TBCK: variants seen among roughly 807,000 people sequenced by gnomAD.
TBCK encodes TBC domain-containing protein kinase-like protein.
Under a neutral mutation model 113.4 loss-of-function variants are expected in TBCK, and 99 were observed. The observed-to-expected ratio is 0.87, with a 90% CI of 0.74 to 1.03. The LOEUF is 1.03. TBCK is among the 50% of genes least tolerant of loss of function. TBCK has a pLI of 0.00. For synonymous variants in TBCK, 369 were observed against 370.8 expected (o/e 1.00, Z 0.05); for missense variants, 1,045 against 1,061.3 (o/e 0.98, Z 0.21).
intron 5 of TBCK, chr4:106,255,083 C>A: frequency 6.7e-6 from 2 of 298,740 alleles, no homozygotes; most frequent in East Asian, 1.3e-4. Flanking sequence ...GATATAAAGA[C>A]AGGTTGTAGA....
chr4:106,181,187 T>C (rs1330032208), intron 22 of TBCK, among the ~76,000 whole-genome samples: 1 of 152,236 alleles, frequency 6.6e-6, no homozygotes, highest in Non-Finnish European at 1.5e-5. Context: ...TGTCTGTTCA[T>C]ATCCTTTGCC....
At chr4:106,265,738 C>T (rs985614602) in intron 3 of TBCK, among the ~76,000 whole-genome samples, 1 of 151,718 alleles carries the variant, frequency 6.6e-6, no homozygotes, top group African/African-American at 2.4e-5. Flanking sequence ...ATCTTCATTT[C>T]CTCTATGGTG....
At chr4:106,227,638 A>G (rs1421618606) in intron 19 of TBCK, among the ~76,000 whole-genome samples, 4 of 151,994 alleles carry the variant, frequency 2.6e-5, no homozygotes, top group Admixed American at 2.0e-4. Context: ...AATGATATAT[A>G]TAATACAGAA....
chr4:106,173,218 A>C (rs1226272479), intron 22 of TBCK, among the ~76,000 whole-genome samples: 1 of 152,198 alleles, frequency 6.6e-6, no homozygotes, highest in Non-Finnish European at 1.5e-5. Context: ...GAAGCTCTCT[A>C]ACAATATCAA....
At chr4:106,145,767 C>T (rs541031993) in intron 23 of TBCK, among the ~76,000 whole-genome samples, 6 of 152,202 alleles carry the variant, frequency 3.9e-5, no homozygotes, top group African/African-American at 1.4e-4. Flanking sequence ...AAACAAGACA[C>T]ATATGTAGCC....
rs1162254619 is a variant in TBCK, at chr4:106,141,976, G to A, written c.2236-25598C>T. Reference sequence around the variant, plus strand: ...TAAACTAAGAAATATCATTTTAACCGAAAAAAGGACAAAGAAATAGCAAAA... The same window carrying A: ...TAAACTAAGAAATATCATTTTAACCAAAAAAAGGACAAAGAAATAGCAAAA... On this transcript the variant is annotated intron_variant, in intron 23 of 25. Transcript: ENST00000394708. Among the ~76,000 whole-genome samples the A allele has an allele frequency of 5.0e-5, 7 of 140,756 alleles. 2 individuals carry two copies. Among genetic ancestry groups the A allele is most frequent in the Non-Finnish European group, 8.1e-5 (5 of 62,080 alleles). The allele number at this position is 140,756 out of a possible 152,430, so 92.3% of individuals were successfully genotyped here.
intron 25 of TBCK, among the ~76,000 whole-genome samples, chr4:106,086,736 G>A (rs146018325): frequency 5.7e-4 from 87 of 152,254 alleles, no homozygotes; most frequent in African/African-American, 2.0e-3. Flanking sequence ...TATCCATCAC[G>A]ATCAAGTCAG....
At chr4:106,095,042 T>C (rs1346789430) in intron 25 of TBCK, among the ~76,000 whole-genome samples, 1 of 152,246 alleles carries the variant, frequency 6.6e-6, no homozygotes, top group East Asian at 1.9e-4. Context: ...TATTGTTTCA[T>C]GTACTTCTCA....
chr4:106,087,533 T>C (rs1180972239), intron 25 of TBCK, among the ~76,000 whole-genome samples: 1 of 152,188 alleles, frequency 6.6e-6, no homozygotes, highest in Non-Finnish European at 1.5e-5. Flanking sequence ...TTCAGTGCTA[T>C]TCCCATCACA....
intron 2 of TBCK, among the ~76,000 whole-genome samples, chr4:106,299,228 T>C (rs1442855573): frequency 6.6e-6 from 1 of 152,208 alleles, no homozygotes; most frequent in Non-Finnish European, 1.5e-5. Flanking sequence ...AGGCATGATG[T>C]GGCCATTAGA....
intron 20 of TBCK, among the ~76,000 whole-genome samples, chr4:106,211,971 T>C (rs983986831): frequency 1.3e-5 from 2 of 152,086 alleles, no homozygotes; most frequent in African/African-American, 4.8e-5. Flanking sequence ...AAAATTATAA[T>C]TGCTTGAGGT....
chr4:106,255,058 A>T (rs1450919742), intron 5 of TBCK: 1 of 342,508 alleles, frequency 2.9e-6, no homozygotes, highest in Non-Finnish European at 5.9e-6. Flanking sequence ...CTGAATTTTT[A>T]TTGAAAATAG....
chr4:106,293,835 G>A (rs1021118738), intron 3 of TBCK, among the ~76,000 whole-genome samples: 1 of 152,084 alleles, frequency 6.6e-6, no homozygotes, highest in Non-Finnish European at 1.5e-5. Context: ...AAACTAGGAT[G>A]GATAATTATA....
chr4:106,215,341 A>C (rs1381160269), intron 19 of TBCK, among the ~76,000 whole-genome samples: 1 of 152,106 alleles, frequency 6.6e-6, no homozygotes, highest in Non-Finnish European at 1.5e-5. Flanking sequence ...CATCATAATG[A>C]CAGGATCAAA....
chr4:106,193,631 A>T lies in TBCK; in HGVS notation c.2037T>A (p.Ile679=). The stretch of plus-strand genomic sequence containing the variant: ...TACCTGGTAAATCGGAGAAGAGAAG[A>T]ATACACTCATTAAAGCCATTAGCCA... ...RLLANGFNEC[I]LLFSDLPEID... is the part of the protein sequence containing the mutation. Residue 679 remains isoleucine (I), a synonymous_variant, in exon 22 of 26, where the codon ATT becomes ATA. Transcript: ENST00000394708. 1 of 1,613,552 alleles carries T rather than the reference A, an allele frequency of 6.2e-7. No individual in the cohort carries two copies. Among genetic ancestry groups the T allele is most frequent in the Non-Finnish European group, 8.5e-7 (1 of 1,179,598 alleles).
In TBCK at chr4:106,135,094, G is replaced by C. The variant is rs183628807; in HGVS notation, c.2236-18716C>G. Among the ~76,000 whole-genome samples the C allele has an allele frequency of 2.1e-3, 316 of 152,164 alleles. 1 individual carries two copies. The highest frequency in any genetic ancestry group is 7.2e-3 in the African/African-American group (301 of 41,530). ...AATCATTAATTGACAAATAGTTGAT[G>C]AACTAGCCTGTGCTGGCCATTTTGA... On this transcript the variant is annotated intron_variant, in intron 23 of 25. Transcript: ENST00000394708.
chr4:106,120,695 A>G (rs1744221609), intron 23 of TBCK, among the ~76,000 whole-genome samples: 2 of 152,212 alleles, frequency 1.3e-5, no homozygotes, highest in Non-Finnish European at 2.9e-5. Context: ...GGCACCCCCC[A>G]GCAGGGGCAC....
At chr4:106,071,860 A>T (rs1737500658) in intron 25 of TBCK, among the ~76,000 whole-genome samples, 1 of 152,012 alleles carries the variant, frequency 6.6e-6, no homozygotes, top group African/African-American at 2.4e-5. Context: ...AATGGCCTTA[A>T]TTGTCTCTTT....
chr4:106,296,636 G>C (rs1233858051), intron 2 of TBCK, among the ~76,000 whole-genome samples: 2 of 152,054 alleles, frequency 1.3e-5, no homozygotes, highest in Non-Finnish European at 2.9e-5. Context: ...ACTCTGTCTA[G>C]TGAAATGGGA....
Sources: allele counts gnomAD v4.1 joint callset (sites outside exome capture counted in the v4.1 genomes callset), GRCh38; gene constraint gnomAD v4.1.1; transcripts MANE v1.5; gene names NCBI Gene and HGNC (gene_info 2026-07-23, HGNC 2026-07-21).